CLEC4C: variants seen among roughly 807,000 people sequenced by gnomAD.
CLEC4C encodes C-type (calcium dependent, carbohydrate-recognition domain) lectin, superfamily member 11.
CLEC4C carries 17 observed loss-of-function variants against 27.7 expected under a neutral mutation model. The ratio of observed to expected loss-of-function variants is 0.61; its 90% CI spans 0.42 to 0.92. The LOEUF is 0.92. Ranked by LOEUF, CLEC4C falls within the 40% of genes least tolerant of loss-of-function variation. The pLI, the probability that CLEC4C is intolerant of heterozygous loss-of-function variation, is 0.00. For missense variants in CLEC4C, 244 were observed against 257.3 expected (o/e 0.95, Z 0.35); for synonymous variants, 80 against 80.8 (o/e 0.99, Z 0.06).
At chr12:7,737,354 C>A in intron 4 of CLEC4C, 75 bp downstream of exon 4, 206 of 774,614 alleles carry the variant, frequency 2.7e-4, no homozygotes, top group East Asian at 3.5e-4. Flanking sequence ...TTTGAACTTT[C>A]AGGGCAATAA....
At chr12:7,747,534 T>G, upstream of CLEC4C, 1 of 509,510 alleles carries the variant, frequency 2.0e-6, no homozygotes, top group Non-Finnish European at 3.5e-6. Flanking sequence ...AGCTAAAGCT[T>G]TCAATTTAAA....
intron 4 of CLEC4C, among the ~76,000 whole-genome samples, chr12:7,734,881 A>C (rs1394523725): frequency 6.6e-6 from 1 of 152,062 alleles, no homozygotes; most frequent in African/African-American, 2.4e-5. Context: ...TTTCAAGTAC[A>C]ACATCCATCA....
At chr12:7,742,844 A>G (rs755832730) in intron 2 of CLEC4C, among the ~76,000 whole-genome samples, 21 of 126,152 alleles carry the variant, frequency 1.7e-4, no homozygotes, top group Admixed American at 7.9e-4. Context: ...TAAATAAATA[A>G]ATAAATAAAT....
upstream of CLEC4C, chr12:7,747,396 A>G (rs959664823): frequency 6.3e-7 from 1 of 1,593,962 alleles, no homozygotes; most frequent in African/African-American, 1.3e-5. Context: ...TGGGTGCAGA[A>G]GCTCTTGTAT....
chr12:7,733,950 TG>T (rs1864660175), intron 4 of CLEC4C, among the ~76,000 whole-genome samples: 1 of 152,052 alleles, frequency 6.6e-6, no homozygotes, highest in Non-Finnish European at 1.5e-5. Context: ...TGGAGTGCAG[TG>T]GTATGATCTC....
intron 4 of CLEC4C, among the ~76,000 whole-genome samples, chr12:7,735,021 T>C (rs1025550434): frequency 8.5e-4 from 129 of 151,336 alleles, no homozygotes; most frequent in African/African-American, 2.9e-3. Flanking sequence ...GACAACATGG[T>C]GTAACCCTGT....
At chr12:7,741,660 G>A in intron 2 of CLEC4C, 129 bp from the exon 3 acceptor site, 1 of 572,184 alleles carries the variant, frequency 1.7e-6, no homozygotes. Flanking sequence ...GGCCGAGGTG[G>A]GAGGACCATT....
chr12:7,747,123 G>A (rs901017173), intron 1 of CLEC4C, among the ~76,000 whole-genome samples, 195 bp downstream of exon 1: 8 of 151,978 alleles, frequency 5.3e-5, no homozygotes, highest in Non-Finnish European at 8.8e-5. Context: ...GCGCCCGCCC[G>A]GCCTTTCTTT....
At chr12:7,749,538 G>A (rs144494672), upstream of CLEC4C, 386 of 151,768 alleles carry the variant, frequency 2.5e-3, 1 homozygote, top group African/African-American at 8.8e-3. Context: ...CTGGGTGACA[G>A]AGTGAGATTC....
At chr12:7,748,497 C>G (rs771818936), upstream of CLEC4C, among the ~76,000 whole-genome samples, 33 of 151,958 alleles carry the variant, frequency 2.2e-4, no homozygotes, top group Admixed American at 1.5e-3. Context: ...CTGCACTCCA[C>G]CCTGGGTGAC....
In CLEC4C at chr12:7,729,701, A is replaced by G; in HGVS notation, c.537T>C (p.Arg179=). 6.2e-7 allele frequency: 1 copy of G among 1,613,878 alleles called. No individual in the cohort carries two copies. The highest frequency in any genetic ancestry group is 8.5e-7 in the Non-Finnish European group (1 of 1,179,780). ...AAGAACGGAAATTTATTATCGCACA[A>G]CGCTCATCAAGGTTATTGGGTTCAC... ...HSGEPNNLDE[R]CAIINFRSSE... is the part of the protein sequence containing the mutation. Residue 179 remains arginine, a synonymous_variant, in exon 6 of 6, where the codon CGT becomes CGC. Coordinates refer to ENST00000360345, the MANE Select transcript of CLEC4C (RefSeq NM_001371390.1).
At chr12:7,734,709 G>A (rs1592090681) in intron 4 of CLEC4C, among the ~76,000 whole-genome samples, 2 of 151,686 alleles carry the variant, frequency 1.3e-5, no homozygotes, top group South Asian at 2.1e-4. Context: ...CCACCATGCC[G>A]AGCTAATTTT....
At position 7,746,369 on chromosome 12, in the gene CLEC4C, A is replaced by G; in HGVS notation, c.86T>C (p.Ile29Thr). 1 of 1,613,954 alleles carries G rather than the reference A, an allele frequency of 6.2e-7. No individual in the cohort carries two copies. ...AGTGAAACAGACACTGAGGAGCAAG[A>G]TGGATACGACTGCCATGGACCAGAC... ...LKVWSMAVVS[I>T]LLLSVCFTVS... Residue 29 changes from isoleucine (I) to threonine (T), a missense_variant, in exon 2 of 6, where the codon ATC (isoleucine) becomes ACC (threonine). Ile to Thr is a moderately conservative substitution (Grantham distance 89, BLOSUM62 -1). Coordinates refer to ENST00000360345, the MANE Select transcript of CLEC4C (RefSeq NM_001371390.1).
chr12:7,748,879 T>C (rs1865042942), upstream of CLEC4C, among the ~76,000 whole-genome samples: 2 of 152,224 alleles, frequency 1.3e-5, no homozygotes, highest in Admixed American at 6.5e-5. Context: ...CAGAATTGCA[T>C]GTAGGCCCAG....
intron 3 of CLEC4C, among the ~76,000 whole-genome samples, chr12:7,740,678 G>A (rs1864832514): frequency 6.8e-6 from 1 of 147,276 alleles, no homozygotes; most frequent in South Asian, 2.1e-4. Context: ...TCCAGCCTGG[G>A]CGACAGAGTG....
Position 7,729,454 on chromosome 12 carries a change from T to A in CLEC4C, c.*142A>T. 1.1e-5 allele frequency: 7 copies of A among 654,508 alleles called. No individual in the cohort carries two copies. The highest frequency in any genetic ancestry group is 1.0e-5 in the Non-Finnish European group (4 of 383,338). The allele number at this position is 654,508 out of a possible 1,614,324, so 40.5% of individuals were successfully genotyped here. ...TAAATGAATGTGTGAATGGATTATA[T>A]CATAAGTGTAATAGGTGACAGCCTG... On this transcript the variant is annotated 3_prime_UTR_variant, in exon 6 of 6. Coordinates refer to ENST00000360345, the MANE Select transcript of CLEC4C (RefSeq NM_001371390.1).
rs1339727872 is a variant in CLEC4C at position 7,729,535 on chromosome 12, A to C, written c.*61T>G. On this transcript the variant is annotated 3_prime_UTR_variant, in exon 6 of 6. Transcript: ENST00000360345. ...AAACTTACACATAAATTAAAAAATC[A>C]ATTTAGCTTTCTACAACGGTGGATG... 6.6e-7 allele frequency: 1 copy of C among 1,516,296 alleles called. No homozygotes were observed. The highest frequency in any genetic ancestry group is 9.0e-7 in the Non-Finnish European group (1 of 1,112,498). 93.9% of individuals were successfully genotyped at this position (1,516,296 alleles called of 1,614,324 possible).
chr12:7,742,654 C>A (rs554190776), intron 2 of CLEC4C, among the ~76,000 whole-genome samples: 1 of 151,048 alleles, frequency 6.6e-6, no homozygotes. Context: ...ACTAAAAATA[C>A]AAAAATTAGC....
At chr12:7,735,643 A>G (rs773304667) in intron 4 of CLEC4C, among the ~76,000 whole-genome samples, 1 of 151,874 alleles carries the variant, frequency 6.6e-6, no homozygotes, top group East Asian at 2.0e-4. Flanking sequence ...CGTCTCTACT[A>G]AAAATACAAA....
Sources: gnomAD v4.1 joint callset for allele counts (sites outside exome capture counted in the v4.1 genomes callset) on GRCh38, gnomAD v4.1.1 for gene constraint, MANE v1.5 for transcripts, NCBI Gene and HGNC (gene_info 2026-07-23, HGNC 2026-07-21) for gene names.